WDPCP: variants seen among roughly 807,000 people sequenced by gnomAD.
WDPCP encodes the protein WD repeat containing planar cell polarity effector.
WDPCP carries 71 observed loss-of-function variants against 93.1 expected under a neutral mutation model. The ratio of observed to expected loss-of-function variants is 0.76; its 90% CI spans 0.63 to 0.93. The LOEUF (loss-of-function observed/expected upper bound fraction) is 0.93. Among genes scored for constraint, WDPCP ranks in the 40% least tolerant of loss-of-function variants. The probability of loss-of-function intolerance (pLI) is 0.00; values close to 1 mark genes in which losing one functional copy is unlikely to be tolerated. For synonymous variants in WDPCP, 315 were observed against 315.0 expected (o/e 1.00, Z 0.00); for missense variants, 844 against 887.4 (o/e 0.95, Z 0.62).
chr2:63,122,900 T>A (rs1050160689), intron 17 of WDPCP, among the ~76,000 whole-genome samples: 1 of 152,144 alleles, frequency 6.6e-6, no homozygotes, highest in African/African-American at 2.4e-5. Context: ...TCTTAAAAGT[T>A]ATTTTTACTA....
At chr2:63,215,592 A>T (rs1423257302) in intron 14 of WDPCP, among the ~76,000 whole-genome samples, 1 of 152,224 alleles carries the variant, frequency 6.6e-6, no homozygotes, top group African/African-American at 2.4e-5. Context: ...TGTTAGACCT[A>T]AAACCATAAA....
chr2:63,300,983 T>C (rs1024184450), intron 13 of WDPCP, among the ~76,000 whole-genome samples: 2 of 152,102 alleles, frequency 1.3e-5, no homozygotes, highest in African/African-American at 4.8e-5. Flanking sequence ...GTAGAGCACA[T>C]GGCATTTCCA....
chr2:63,439,045 G>A (rs1020992516), intron 7 of WDPCP, among the ~76,000 whole-genome samples: 1 of 152,080 alleles, frequency 6.6e-6, no homozygotes, highest in Non-Finnish European at 1.5e-5. Context: ...ATGTTCCTTA[G>A]TAGCTCAGCT....
At chr2:63,272,085 G>T (rs1334598475) in intron 13 of WDPCP, among the ~76,000 whole-genome samples, 1 of 152,100 alleles carries the variant, frequency 6.6e-6, no homozygotes, top group Non-Finnish European at 1.5e-5. Context: ...TCACCTGGGG[G>T]TCCAAGAATT....
intron 1 of WDPCP, among the ~76,000 whole-genome samples, chr2:63,821,209 C>T (rs1671012699): frequency 6.6e-6 from 1 of 151,952 alleles, no homozygotes; most frequent in South Asian, 2.1e-4. Context: ...TTGTCTAGTC[C>T]CTAGAGGAGG....
At chr2:63,831,123 C>T (rs1405458819), upstream of WDPCP, among the ~76,000 whole-genome samples, 1 of 152,198 alleles carries the variant, frequency 6.6e-6, no homozygotes, top group African/African-American at 2.4e-5. Context: ...ACAACTCCCT[C>T]CTCATCTAAG....
chr2:63,283,734 G>T (rs1017667683), intron 13 of WDPCP, among the ~76,000 whole-genome samples: 8 of 152,226 alleles, frequency 5.3e-5, no homozygotes, highest in Admixed American at 3.3e-4. Flanking sequence ...AACATTTTGA[G>T]TACTTTGGAA....
chr2:63,457,063 C>G (rs755065011), intron 6 of WDPCP, among the ~76,000 whole-genome samples: 1 of 151,886 alleles, frequency 6.6e-6, no homozygotes, highest in African/African-American at 2.4e-5. Context: ...TTCAAAAAGA[C>G]AAACAAAATG....
At chr2:63,428,702 C>T (rs1401990874) in intron 9 of WDPCP, among the ~76,000 whole-genome samples, 1 of 152,132 alleles carries the variant, frequency 6.6e-6, no homozygotes, top group African/African-American at 2.4e-5. Context: ...CACTCCTGTT[C>T]AATATAGTAC....
chr2:63,828,942 T>C (rs1671153977), upstream of WDPCP, among the ~76,000 whole-genome samples: 1 of 152,184 alleles, frequency 6.6e-6, no homozygotes. Context: ...TATTTGCTTT[T>C]GTTAGAAAAT....
intron 14 of WDPCP, among the ~76,000 whole-genome samples, chr2:63,255,353 G>A (rs1425688279): frequency 6.6e-6 from 1 of 151,944 alleles, no homozygotes; most frequent in Non-Finnish European, 1.5e-5. Flanking sequence ...TTGCTGATAT[G>A]GTTTGGATGT....
chr2:63,498,625 T>C (rs1222177071), intron 1 of WDPCP, among the ~76,000 whole-genome samples: 1 of 152,172 alleles, frequency 6.6e-6, no homozygotes, highest in Non-Finnish European at 1.5e-5. Context: ...GTTTTAGAAG[T>C]AGAGATTACT....
chr2:63,702,641 C>T (rs1669076312), intron 2 of WDPCP, among the ~76,000 whole-genome samples: 2 of 151,714 alleles, frequency 1.3e-5, no homozygotes, highest in African/African-American at 2.4e-5. Flanking sequence ...GGGGTTCACA[C>T]CATTCTCCTG....
intron 1 of WDPCP, among the ~76,000 whole-genome samples, chr2:63,820,505 A>C (rs999543131): frequency 6.6e-6 from 1 of 152,164 alleles, no homozygotes; most frequent in Non-Finnish European, 1.5e-5. Flanking sequence ...CAGTAAGCAC[A>C]TGTTAAGCTT....
At chr2:63,230,246 C>T (rs988927664) in intron 14 of WDPCP, among the ~76,000 whole-genome samples, 1 of 152,022 alleles carries the variant, frequency 6.6e-6, no homozygotes, top group Admixed American at 6.6e-5. Context: ...TCATCCATGT[C>T]CCTACAATGG....
intron 2 of WDPCP, among the ~76,000 whole-genome samples, chr2:63,780,252 G>C (rs1030025511): frequency 6.6e-6 from 1 of 152,098 alleles, no homozygotes; most frequent in Non-Finnish European, 1.5e-5. Context: ...ATGATCCTTC[G>C]AGTCCTGGGT....
intron 2 of WDPCP, among the ~76,000 whole-genome samples, chr2:63,653,188 G>T (rs1310674988): frequency 6.6e-6 from 1 of 152,186 alleles, no homozygotes; most frequent in Non-Finnish European, 1.5e-5. Context: ...AAAGGATCCA[G>T]AAATCTATAT....
upstream of WDPCP, among the ~76,000 whole-genome samples, chr2:63,828,971 T>C (rs1187812552): frequency 1.3e-5 from 2 of 152,186 alleles, no homozygotes; most frequent in Non-Finnish European, 2.9e-5. Context: ...CACTTTGTGT[T>C]ATAAAAGCTT....
At chr2:63,589,104 T>A, upstream of WDPCP, 1 of 1,614,152 alleles carries the variant, frequency 6.2e-7, no homozygotes, top group Non-Finnish European at 8.5e-7. Flanking sequence ...TGAGTGGGGT[T>A]TCTTGCACTT....
Sources: allele counts gnomAD v4.1 joint callset (sites outside exome capture counted in the v4.1 genomes callset), GRCh38; gene constraint gnomAD v4.1.1; transcripts MANE v1.5; gene names NCBI Gene and HGNC (gene_info 2026-07-23, HGNC 2026-07-21).